The following KDM1A variants were observed in gnomAD, a reference collection of about 807,000 sequenced individuals.
KDM1A encodes lysine demethylase 1A.
A neutral mutation model predicts 109.4 loss-of-function variants in KDM1A; 49 were observed. That is an observed-to-expected ratio of 0.45 (90% CI 0.36 to 0.57). KDM1A has a LOEUF of 0.57. Among genes scored for constraint, KDM1A ranks in the 20% least tolerant of loss-of-function variants. The pLI, the probability that KDM1A is intolerant of heterozygous loss-of-function variation, is 0.00. For synonymous variants in KDM1A, 380 were observed against 415.4 expected, an observed-to-expected ratio of 0.91 and a Z score of 1.04; for missense variants, 668 against 1,116.6, an observed-to-expected ratio of 0.60 and a Z score of 5.73.
rs956492394 is a variant in KDM1A, at chr1:23,041,600, G to A, written c.518-2827G>A. Among the ~76,000 whole-genome samples, 3 of 151,312 alleles carry A rather than the reference G, an allele frequency of 2.0e-5. 1 individual carries two copies. Among genetic ancestry groups the A allele is most frequent in the South Asian group, 4.2e-4 (2 of 4,780 alleles). On this transcript the variant is annotated intron_variant, in intron 2 of 20. Coordinates refer to ENST00000400181, the MANE Select transcript of KDM1A (RefSeq NM_001009999.3). ...TGGGATTACAGGTGCATACCATAGC[G>A]CCTGGCTAATTTTTGTATTTTTAGT...
chr1:23,072,259 G>A, intron 14 of KDM1A, 62 bp downstream of exon 14: 1 of 1,199,742 alleles, frequency 8.3e-7, no homozygotes, highest in South Asian at 1.3e-5. Flanking sequence ...AGCTTGATTT[G>A]GAAGGAAAAT....
chr1:23,038,214 C>T (rs906986862), intron 2 of KDM1A, among the ~76,000 whole-genome samples: 1 of 150,868 alleles, frequency 6.6e-6, no homozygotes, highest in African/African-American at 2.4e-5. Context: ...AGTAATGAGT[C>T]GATTATGAAA....
At chr1:23,047,550 C>T (rs1642536799) in intron 3 of KDM1A, among the ~76,000 whole-genome samples, 1 of 152,086 alleles carries the variant, frequency 6.6e-6, no homozygotes, top group Non-Finnish European at 1.5e-5. Flanking sequence ...ATTTCTTAAT[C>T]ATTACATATT....
chr1:23,071,108 C>T (rs1643306327), intron 12 of KDM1A, 117 bp from the exon 13 acceptor site: 2 of 736,642 alleles, frequency 2.7e-6, no homozygotes, highest in Admixed American at 2.9e-5. Flanking sequence ...CAGGACCTTG[C>T]ATTGTAGCCC....
chr1:23,032,068 G>C (rs1369849764), intron 2 of KDM1A, among the ~76,000 whole-genome samples: 2 of 151,782 alleles, frequency 1.3e-5, no homozygotes, highest in Admixed American at 6.6e-5. Context: ...CTTTTCTTCT[G>C]TGTTCTTTTT....
intron 9 of KDM1A, among the ~76,000 whole-genome samples, chr1:23,065,389 A>G (rs1333141805): frequency 1.3e-5 from 2 of 152,230 alleles, no homozygotes; most frequent in Non-Finnish European, 2.9e-5. Context: ...ATTAAAAAGC[A>G]CATTTTGGTT....
intron 9 of KDM1A, among the ~76,000 whole-genome samples, chr1:23,061,660 CTTT>C (rs61084870): frequency 1.9e-4 from 23 of 123,222 alleles, no homozygotes; most frequent in Non-Finnish European, 2.3e-4. Context: ...ATAAACTAGC[CTTT>C]TTTTTTTTTT....
At chr1:23,052,101 T>C (rs2124457618) in intron 4 of KDM1A, among the ~76,000 whole-genome samples, 1 of 152,312 alleles carries the variant, frequency 6.6e-6, no homozygotes, top group East Asian at 1.9e-4. Context: ...TTTACTTAGA[T>C]TTGAGCGATG....
chr1:23,038,624 C>G (rs563417760), intron 2 of KDM1A, among the ~76,000 whole-genome samples: 2 of 152,082 alleles, frequency 1.3e-5, no homozygotes, highest in African/African-American at 2.4e-5. Context: ...AAAGTAAATT[C>G]TTTCCATTGG....
rs1430348681 is a variant in KDM1A, at chr1:23,019,504, G to A, written c.-93G>A. 3.1e-6 allele frequency: 4 copies of A among 1,303,848 alleles called. No homozygotes were observed. The highest frequency in any genetic ancestry group is 2.9e-5 in the East Asian group (1 of 34,544). 80.8% of individuals were successfully genotyped at this position (1,303,848 alleles called of 1,614,324 possible). A position where few individuals can be genotyped will look rare whatever the true frequency, so the allele number is the denominator to read the frequency against. On this transcript the variant is annotated 5_prime_UTR_variant, in exon 1 of 21. Transcript: ENST00000400181. ...ACGCGACGGCGGTTGGCGGCGCGCG[G>A]GCAGCGTGAAGCGAGGCGAGGCAAG...
At position 23,044,503 on chromosome 1, in the gene KDM1A, A is replaced by G; in HGVS notation, c.577+17A>G. 1 of 1,591,802 alleles carries G rather than the reference A, an allele frequency of 6.3e-7. No homozygotes were observed. The highest frequency in any genetic ancestry group is 8.5e-7 in the Non-Finnish European group (1 of 1,171,226). ...AAGCATCAGGTGAGGGTGGCATTAG[A>G]TGCTTGCCACTTAGTAGCAAGAGCC... On this transcript the variant is annotated intron_variant, in intron 3 of 20. Transcript: ENST00000400181.
At chr1:23,041,164 C>A (rs759457304) in intron 2 of KDM1A, among the ~76,000 whole-genome samples, 9 of 152,044 alleles carry the variant, frequency 5.9e-5, no homozygotes, top group Non-Finnish European at 1.0e-4. Context: ...AAGAATTGGT[C>A]TATAATATAC....
chr1:23,083,053 G>A (rs1156513642), intron 20 of KDM1A, 126 bp from the exon 21 acceptor site: 3 of 792,500 alleles, frequency 3.8e-6, no homozygotes, highest in Non-Finnish European at 6.1e-6. Flanking sequence ...TCGATAGAAT[G>A]ATGAATAGTA....
intron 19 of KDM1A, 135 bp from the exon 20 acceptor site, chr1:23,082,085 C>G (rs1365777059): frequency 1.1e-6 from 1 of 875,156 alleles, no homozygotes; most frequent in Non-Finnish European, 1.7e-6. Context: ...GCATTCATCA[C>G]TTGATCACTG....
At chr1:23,038,413 G>A (rs139138009) in intron 2 of KDM1A, among the ~76,000 whole-genome samples, 368 of 151,716 alleles carry the variant, frequency 2.4e-3, no homozygotes, top group Admixed American at 4.1e-3. Context: ...TTCTTGCATC[G>A]GCTGTTGAGT....
chr1:23,030,212 C>T (rs1434189896), intron 1 of KDM1A, among the ~76,000 whole-genome samples: 1 of 152,120 alleles, frequency 6.6e-6, no homozygotes, highest in Non-Finnish European at 1.5e-5. Flanking sequence ...TTGTAGAGAG[C>T]CTTAGAGTCA....
intron 2 of KDM1A, among the ~76,000 whole-genome samples, chr1:23,035,651 T>C (rs1642121896): frequency 6.6e-6 from 1 of 152,216 alleles, no homozygotes; most frequent in Admixed American, 6.5e-5. Context: ...AAAGGTGATG[T>C]TAACCTGAAT....
chr1:23,031,936 A>C (rs371635665), intron 2 of KDM1A, among the ~76,000 whole-genome samples: 41 of 152,254 alleles, frequency 2.7e-4, no homozygotes, highest in African/African-American at 9.6e-4. Context: ...TCCCAGGCAA[A>C]TGTAGCTGCC....
At chr1:23,083,060 A>T in intron 20 of KDM1A, 119 bp from the exon 21 acceptor site, 1 of 829,042 alleles carries the variant, frequency 1.2e-6, no homozygotes, top group Non-Finnish European at 1.9e-6. Context: ...AATGATGAAT[A>T]GTAATTGGGG....
Sources: gnomAD v4.1 joint callset for allele counts (sites outside exome capture counted in the v4.1 genomes callset) on GRCh38, gnomAD v4.1.1 for gene constraint, MANE v1.5 for transcripts, NCBI Gene and HGNC (gene_info 2026-07-23, HGNC 2026-07-21) for gene names.